Variants in IGFL2 observed in about 807,000 individuals in gnomAD.
The protein encoded by IGFL2 is IGF like family member 2, also known as insulin growth factor-like family member 2.
A neutral mutation model predicts 13.9 loss-of-function variants in IGFL2; 7 were observed. That is an observed-to-expected ratio of 0.51 (90% CI 0.29 to 0.95). IGFL2 has a LOEUF of 0.95. Among genes scored for constraint, IGFL2 ranks in the 40% least tolerant of loss-of-function variants. The pLI, the probability that IGFL2 is intolerant of heterozygous loss-of-function variation, is 0.08. For synonymous variants in IGFL2, 55 were observed against 55.8 expected, an observed-to-expected ratio of 0.99 and a Z score of 0.07; for missense variants, 138 against 147.8, an observed-to-expected ratio of 0.93 and a Z score of 0.34.
At chr19:46,079,738 A>G in the IGFL2 span, among the ~76,000 whole-genome samples, 1 of 152,170 alleles carries the variant, frequency 6.6e-6, no homozygotes, top group Non-Finnish European at 1.5e-5. Flanking sequence ...GTAAATATCC[A>G]AAGCGACTCC....
the IGFL2 span, chr19:46,198,060 TTTCCTTCCTTCC>T: frequency 9.7e-5 from 11 of 113,404 alleles, no homozygotes; most frequent in East Asian, 9.2e-4. Flanking sequence ...CCTTCCTTCC[TTTCCTTCCTTCC>T]TTCCTTCCTT....
At chr19:46,149,059 A>G (rs201207377) in intron 1 of IGFL2, 2 of 1,582,784 alleles carry the variant, frequency 1.3e-6, no homozygotes, top group Non-Finnish European at 1.7e-6. Context: ...CAGCCCAGGC[A>G]GTGGACTGAG....
chr19:46,134,925 G>A, the IGFL2 span, among the ~76,000 whole-genome samples: 96,595 of 152,014 alleles, frequency 0.64, 31,606 homozygotes, highest in African/African-American at 0.71. Flanking sequence ...AGCCCTAGGT[G>A]CATAATACTG....
At chr19:46,185,395 A>T in the IGFL2 span, among the ~76,000 whole-genome samples, 4 of 152,316 alleles carry the variant, frequency 2.6e-5, no homozygotes, top group South Asian at 8.3e-4. Context: ...AATCAGAGAC[A>T]TGGGGAGGAG....
At chr19:46,152,930 AC>A (rs1462133580) in intron 1 of IGFL2, among the ~76,000 whole-genome samples, 1 of 152,188 alleles carries the variant, frequency 6.6e-6, no homozygotes, top group Non-Finnish European at 1.5e-5. Flanking sequence ...TGAGAGAATT[AC>A]GTGTCTCCCT....
chr19:46,183,480 C>T, the IGFL2 span, among the ~76,000 whole-genome samples: 2 of 151,872 alleles, frequency 1.3e-5, no homozygotes, highest in African/African-American at 4.8e-5. Flanking sequence ...CCCAGTCTCT[C>T]CTGATTCCTC....
At chr19:46,196,458 T>G in the IGFL2 span, among the ~76,000 whole-genome samples, 1 of 152,132 alleles carries the variant, frequency 6.6e-6, no homozygotes, top group African/African-American at 2.4e-5. Context: ...GTCCCCAAAC[T>G]ACTCCCCAAA....
chr19:46,113,410 A>T, the IGFL2 span: 7 of 405,740 alleles, frequency 1.7e-5, no homozygotes, highest in Admixed American at 2.0e-4. Context: ...GGACATTTGG[A>T]AACTTCCATT....
chr19:46,190,647 A>G, the IGFL2 span, among the ~76,000 whole-genome samples: 3 of 152,324 alleles, frequency 2.0e-5, no homozygotes, highest in South Asian at 6.2e-4. Context: ...AGACCCTCCC[A>G]GCCCTCTTTG....
At chr19:46,133,117 C>CT in the IGFL2 span, among the ~76,000 whole-genome samples, 13 of 152,122 alleles carry the variant, frequency 8.5e-5, no homozygotes, top group Non-Finnish European at 1.8e-4. Context: ...GTTCAGGCAG[C>CT]TGCTTGTCAG....
At chr19:46,090,041 A>AT in the IGFL2 span, among the ~76,000 whole-genome samples, 1 of 151,088 alleles carries the variant, frequency 6.6e-6, no homozygotes. Flanking sequence ...TCTTTTTATT[A>AT]TTTTTTTCTT....
chr19:46,079,989 C>T, the IGFL2 span, among the ~76,000 whole-genome samples: 1 of 152,022 alleles, frequency 6.6e-6, no homozygotes, highest in East Asian at 1.9e-4. Flanking sequence ...GATTCTTAAC[C>T]GTGATAAGTT....
At chr19:46,197,954 A>G in the IGFL2 span, 2 of 150,760 alleles carry the variant, frequency 1.3e-5, no homozygotes, top group African/African-American at 4.9e-5. Context: ...GGCCTCCCAA[A>G]GTGCTGGGAT....
the IGFL2 span, among the ~76,000 whole-genome samples, chr19:46,126,817 T>G: frequency 1.3e-5 from 2 of 152,268 alleles, no homozygotes; most frequent in East Asian, 3.9e-4. Flanking sequence ...ACCTGAAGAC[T>G]TAGTTCGTCC....
chr19:46,139,437 A>G (rs768900731), upstream of IGFL2, among the ~76,000 whole-genome samples: 20 of 152,090 alleles, frequency 1.3e-4, no homozygotes, highest in East Asian at 1.6e-3. Flanking sequence ...TAAGAAATCT[A>G]TGTTACATAT....
the IGFL2 span, among the ~76,000 whole-genome samples, chr19:46,118,456 A>G: frequency 6.6e-6 from 1 of 152,200 alleles, no homozygotes; most frequent in African/African-American, 2.4e-5. Context: ...GCAGTAAGAG[A>G]GAAAGCCCCT....
chr19:46,164,866 T>C (rs1415934946), downstream of IGFL2, among the ~76,000 whole-genome samples: 1 of 152,206 alleles, frequency 6.6e-6, no homozygotes, highest in Admixed American at 6.5e-5. Flanking sequence ...GGGTGGTCAA[T>C]GTAGACAAAG....
chr19:46,122,639 C>T, the IGFL2 span, among the ~76,000 whole-genome samples: 1 of 150,980 alleles, frequency 6.6e-6, no homozygotes, highest in Admixed American at 6.6e-5. Context: ...CTGAATATAA[C>T]TTTTAATTAC....
At chr19:46,161,414 A>G (rs912775972), downstream of IGFL2, 8 of 228,638 alleles carry the variant, frequency 3.5e-5, no homozygotes, top group Non-Finnish European at 6.0e-5. Context: ...TGCTGAAACA[A>G]AAGGCTGGAG....
Sources: allele counts gnomAD v4.1 joint callset (sites outside exome capture counted in the v4.1 genomes callset), GRCh38; gene constraint gnomAD v4.1.1; transcripts MANE v1.5; gene names NCBI Gene and HGNC (gene_info 2026-07-23, HGNC 2026-07-21).